The following CSMD1 variants were observed in gnomAD, a reference collection of about 807,000 sequenced individuals.
CSMD1 encodes CUB and sushi domain-containing protein 1.
In CSMD1, 213 loss-of-function variants were observed where a neutral mutation model predicts 417.5. That is an observed-to-expected ratio of 0.51 (90% CI 0.46 to 0.57). The LOEUF is 0.57. CSMD1 is among the 20% of genes least tolerant of loss of function. The pLI, the probability that CSMD1 is intolerant of heterozygous loss-of-function variation, is 0.00. For missense variants in CSMD1, 6,923 were observed against 4,529.7 expected, an observed-to-expected ratio of 1.53 and a Z score of -15.17; for synonymous variants, 2,862 against 1,736.8, an observed-to-expected ratio of 1.65 and a Z score of -16.11.
chr8:4,241,240 C>A (rs1237988264), intron 3 of CSMD1, among the ~76,000 whole-genome samples: 4 of 152,152 alleles, frequency 2.6e-5, no homozygotes, highest in Admixed American at 6.5e-5. Context: ...GAATTTGACA[C>A]CCTTCATATA....
intron 5 of CSMD1, among the ~76,000 whole-genome samples, chr8:3,927,010 G>T (rs942734219): frequency 1.3e-5 from 2 of 151,754 alleles, no homozygotes; most frequent in South Asian, 2.1e-4. Flanking sequence ...CACCGTGCCC[G>T]GCCAAATTGG....
At chr8:3,874,430 C>G (rs1805681755) in intron 5 of CSMD1, among the ~76,000 whole-genome samples, 1 of 152,294 alleles carries the variant, frequency 6.6e-6, no homozygotes, top group Middle Eastern at 3.4e-3. Context: ...CTGGATCAAA[C>G]TAAGTAATCA....
intron 3 of CSMD1, among the ~76,000 whole-genome samples, chr8:4,098,427 A>C (rs566043990): frequency 5.6e-4 from 86 of 152,214 alleles, no homozygotes; most frequent in African/African-American, 1.9e-3. Context: ...GTCATGTTAC[A>C]TAATATGTGC....
chr8:4,295,500 C>T (rs907063773), intron 3 of CSMD1, among the ~76,000 whole-genome samples: 16 of 138,482 alleles, frequency 1.2e-4, no homozygotes, highest in Non-Finnish European at 2.0e-4. Context: ...TTAAATATAT[C>T]TTATACACAT....
rs1027844520 is a variant in CSMD1 at position 4,861,043 on chromosome 8, T to G, written c.85+133289A>C. Among the ~76,000 whole-genome samples the G allele has an allele frequency of 2.6e-5, 4 of 152,132 alleles. 1 individual carries two copies. The highest frequency in any genetic ancestry group is 7.2e-5 in the African/African-American group (3 of 41,386). On this transcript the variant is annotated intron_variant, in intron 1 of 69. Coordinates refer to ENST00000635120, the MANE Select transcript of CSMD1 (RefSeq NM_033225.6). ...AGGTGCTTATTTATCTATGTCTCCT[T>G]TTCCTCTAAAAGCTCCTTTTGTTCT...
intron 7 of CSMD1, among the ~76,000 whole-genome samples, chr8:3,671,216 G>T (rs1485779793): frequency 1.4e-5 from 2 of 146,018 alleles, no homozygotes; most frequent in African/African-American, 5.0e-5. Context: ...TATGTATAGG[G>T]GATGTATGTA....
At chr8:4,207,159 G>A (rs902328673) in intron 3 of CSMD1, among the ~76,000 whole-genome samples, 1 of 152,070 alleles carries the variant, frequency 6.6e-6, no homozygotes, top group Non-Finnish European at 1.5e-5. Context: ...TAATTTATAG[G>A]TATAGTAATA....
rs62481003 is a variant in CSMD1 at position 4,425,272 on chromosome 8, G to C, written c.303-5207C>G. ...TTAAAACGAGTGTCATAAGACTACT[G>C]TTCAGAGGTTTGGGGTAATTTAATA... On this transcript the variant is annotated intron_variant, in intron 2 of 69. Coordinates refer to ENST00000635120, the MANE Select transcript of CSMD1 (RefSeq NM_033225.6). Among the ~76,000 whole-genome samples the C allele has an allele frequency of 6.0e-3, 901 of 151,398 alleles. 6 individuals carry two copies. Among genetic ancestry groups the C allele is most frequent in the Middle Eastern group, 0.027 (8 of 294 alleles).
Position 3,000,119 on chromosome 8 carries a change from C to A in CSMD1, c.8042G>T (p.Gly2681Val). Residue 2681 changes from glycine (G) to valine (V), a missense_variant, in exon 53 of 70, where the codon GGT becomes GTT. Gly to Val is a moderately radical substitution (Grantham distance 109). Transcript: ENST00000635120. ...ACCGTTCACAATCGGGTCTGGGGAA[C>A]CGCAGTGGCCAGCTAAAAATGTTAA... ...SETRCLAGHC[G>V]SPDPIVNGHI... The A allele has an allele frequency of 1.9e-6, 3 of 1,540,232 alleles. No homozygotes were observed. The highest frequency in any genetic ancestry group is 2.6e-6 in the Non-Finnish European group (3 of 1,140,724).
chr8:4,329,671 A>T (rs948287387), intron 3 of CSMD1, among the ~76,000 whole-genome samples: 4 of 151,976 alleles, frequency 2.6e-5, no homozygotes, highest in East Asian at 3.9e-4. Flanking sequence ...TCCCCACCCA[A>T]ATCTCATGTT....
chr8:4,149,180 T>C (rs1347563375), intron 3 of CSMD1, among the ~76,000 whole-genome samples: 1 of 152,040 alleles, frequency 6.6e-6, no homozygotes, highest in African/African-American at 2.4e-5. Flanking sequence ...GCTAGGCTGG[T>C]CTCGAACTCC....
intron 10 of CSMD1, among the ~76,000 whole-genome samples, chr8:3,560,886 A>C (rs966596009): frequency 6.6e-6 from 1 of 152,164 alleles, no homozygotes; most frequent in Non-Finnish European, 1.5e-5. Context: ...TTACTGATTG[A>C]TTCTTCCAGT....
intron 23 of CSMD1, among the ~76,000 whole-genome samples, chr8:3,314,187 G>C (rs1057155719): frequency 3.3e-5 from 5 of 152,052 alleles, no homozygotes; most frequent in Non-Finnish European, 4.4e-5. Context: ...TAGTTAATGG[G>C]TGCAGCACAC....
At chr8:4,852,933 C>G (rs181109504) in intron 1 of CSMD1, among the ~76,000 whole-genome samples, 21 of 152,106 alleles carry the variant, frequency 1.4e-4, no homozygotes, top group Non-Finnish European at 2.5e-4. Context: ...GGGTACATGG[C>G]AGAAGGAATT....
Position 3,853,891 on chromosome 8 carries a change from ATACTTT to A in CSMD1, c.819-99855_819-99850del, listed in dbSNP as rs1459483559. Among the ~76,000 whole-genome samples, 98 of 144,922 alleles carry A rather than the reference ATACTTT, an allele frequency of 6.8e-4. 1 individual carries two copies. The South Asian group carries it at 0.021, about 30-fold the overall frequency. On this transcript the variant is annotated intron_variant, in intron 5 of 69. Coordinates refer to ENST00000635120, the MANE Select transcript of CSMD1 (RefSeq NM_033225.6). Reference sequence around the variant, plus strand: ...TTATACTTTAATATATTAATATATTATACTTTAATATATTAATACATTAAAGTATAA... The same window carrying A: ...TTATACTTTAATATATTAATATATTAAATATATTAATACATTAAAGTATAA...
intron 11 of CSMD1, among the ~76,000 whole-genome samples, chr8:3,486,684 G>A (rs533059067): frequency 2.6e-5 from 4 of 152,210 alleles, no homozygotes; most frequent in Non-Finnish European, 5.9e-5. Flanking sequence ...CTCGGGCTCC[G>A]ATTCCTGTGG....
intron 10 of CSMD1, among the ~76,000 whole-genome samples, chr8:3,533,783 C>T (rs1223553560): frequency 1.3e-5 from 2 of 152,154 alleles, no homozygotes; most frequent in Non-Finnish European, 2.9e-5. Context: ...ACTCTTGTAA[C>T]TATCACAAAA....
rs936097376 is a variant in CSMD1 at position 3,284,546 on chromosome 8, C to G, written c.3951-200G>C. ...GGAGTGTAAATTAGGATAAAGCACA[C>G]AGGACCTCAGTCTGTCATGGACGCA... On this transcript the variant is annotated intron_variant, in intron 25 of 69. Coordinates refer to ENST00000635120, the MANE Select transcript of CSMD1 (RefSeq NM_033225.6). The G allele has an allele frequency of 6.9e-6, 4 of 576,034 alleles. No homozygotes were observed. The African/African-American group carries it at 7.5e-5, about 11-fold the overall frequency. 35.7% of individuals were successfully genotyped at this position (576,034 alleles called of 1,614,324 possible). A position where few individuals can be genotyped will look rare whatever the true frequency, so the allele number is the denominator to read the frequency against.
chr8:3,045,611 A>G (rs761154865), intron 50 of CSMD1, among the ~76,000 whole-genome samples: 42 of 152,316 alleles, frequency 2.8e-4, no homozygotes, highest in South Asian at 2.7e-3. Context: ...TTCTCAGAAT[A>G]AACCACATGC....
Sources: allele counts gnomAD v4.1 joint callset (sites outside exome capture counted in the v4.1 genomes callset), GRCh38; gene constraint gnomAD v4.1.1; transcripts MANE v1.5; gene names NCBI Gene and HGNC (gene_info 2026-07-23, HGNC 2026-07-21).